Variants in VAV1 observed in about 807,000 individuals in gnomAD.
VAV1 encodes the protein proto-oncogene vav.
In VAV1, 33 loss-of-function variants were observed where a neutral mutation model predicts 128.1. The observed-to-expected ratio is 0.26, with a 90% CI of 0.20 to 0.34. The LOEUF is 0.34. VAV1 is among the 10% of genes least tolerant of loss of function. The probability of loss-of-function intolerance (pLI) is 1.00; values close to 1 mark genes in which losing one functional copy is unlikely to be tolerated. For missense variants in VAV1, 715 were observed against 1,093.7 expected (o/e 0.65, Z 4.88); for synonymous variants, 394 against 409.8 (o/e 0.96, Z 0.47).
At chr19:6,790,469 A>G (rs1568286252) in intron 1 of VAV1, among the ~76,000 whole-genome samples, 1 of 152,188 alleles carries the variant, frequency 6.6e-6, no homozygotes, top group African/African-American at 2.4e-5. Flanking sequence ...AGGTGTCTGC[A>G]GAGCTGTGCT....
intron 25 of VAV1, among the ~76,000 whole-genome samples, chr19:6,853,522 A>G: frequency 6.6e-6 from 1 of 151,858 alleles, no homozygotes; most frequent in African/African-American, 2.4e-5. Flanking sequence ...TTAGGAGTTC[A>G]AGACCAGCCT....
At chr19:6,798,564 G>T (rs1461533988) in intron 1 of VAV1, among the ~76,000 whole-genome samples, 2 of 152,150 alleles carry the variant, frequency 1.3e-5, no homozygotes, top group South Asian at 4.1e-4. Context: ...GAGATGGGAG[G>T]ATCATTTGAA....
chr19:6,851,285 G>A lies in VAV1; in HGVS notation c.2217+528G>A, dbSNP rs150305653. Among the ~76,000 whole-genome samples, 201 of 151,900 alleles carry A rather than the reference G, an allele frequency of 1.3e-3. 3 individuals carry two copies. Among genetic ancestry groups the A allele is most frequent in the South Asian group, 9.6e-3 (46 of 4,802 alleles). ...AAATTCCTGGTTTAAATAATCTCTCGCCTCAGCCTCCCGAGCAGCTGGTAC... is the reference window on the plus strand; with the variant it reads ...AAATTCCTGGTTTAAATAATCTCTCACCTCAGCCTCCCGAGCAGCTGGTAC... On this transcript the variant is annotated intron_variant, in intron 24 of 26. Transcript: ENST00000602142.
At chr19:6,825,245 T>C in intron 7 of VAV1, 58 bp from the exon 8 acceptor site, 1 of 1,585,374 alleles carries the variant, frequency 6.3e-7, no homozygotes, top group South Asian at 1.1e-5. Flanking sequence ...GACCCTTTCC[T>C]TCCTGGCCCC....
At chr19:6,787,668 C>T (rs1298899917) in intron 1 of VAV1, among the ~76,000 whole-genome samples, 1 of 151,940 alleles carries the variant, frequency 6.6e-6, no homozygotes. Flanking sequence ...ATAGTCATAG[C>T]TCCCTGCAGC....
chr19:6,836,715 A>G, intron 20 of VAV1, 147 bp downstream of exon 20: 1 of 1,342,440 alleles, frequency 7.4e-7, no homozygotes, highest in Non-Finnish European at 1.0e-6. Context: ...ACTTCTGGGC[A>G]TGGCTTTTCT....
At chr19:6,778,459 G>A (rs947457677) in intron 1 of VAV1, among the ~76,000 whole-genome samples, 4 of 152,130 alleles carry the variant, frequency 2.6e-5, no homozygotes, top group African/African-American at 9.7e-5. Flanking sequence ...GGTGGACTGG[G>A]GAGTGGGTTG....
At position 6,822,951 on chromosome 19, in the gene VAV1, T is replaced by C; in HGVS notation, c.654+437T>C. Among the ~76,000 whole-genome samples the C allele has an allele frequency of 6.8e-6, 1 of 147,430 alleles. No individual in the cohort carries two copies. Among genetic ancestry groups the C allele is most frequent in the South Asian group, 2.1e-4 (1 of 4,772 alleles). ...ATATAGTTTTTCATATAGAGCTATA[T>C]GTAAATAATATATACAATATATAAA... On this transcript the variant is annotated intron_variant, in intron 6 of 26. Coordinates refer to ENST00000602142, the MANE Select transcript of VAV1 (RefSeq NM_005428.4). The surrounding 1 kb of genome is among the most constrained non-coding windows in gnomAD (Gnocchi z 5.9).
At chr19:6,841,739 G>A (rs1972382830) in intron 21 of VAV1, among the ~76,000 whole-genome samples, 2 of 151,830 alleles carry the variant, frequency 1.3e-5, no homozygotes, top group Non-Finnish European at 2.9e-5. Flanking sequence ...CTCCCAAAGT[G>A]CTGGGATTAC....
intron 1 of VAV1, among the ~76,000 whole-genome samples, chr19:6,809,077 C>CTTTTTT (rs34550612): frequency 1.4e-5 from 2 of 145,740 alleles, no homozygotes; most frequent in African/African-American, 5.2e-5. Context: ...ATCTACCTCT[C>CTTTTTT]TTTTTTTTTT....
chr19:6,808,037 G>A (rs866316590), intron 1 of VAV1, among the ~76,000 whole-genome samples: 6 of 150,678 alleles, frequency 4.0e-5, no homozygotes, highest in South Asian at 2.1e-4. Context: ...AAAAGGCCGG[G>A]CGCGGTGGCT....
At chr19:6,810,262 G>C (rs111504107) in intron 1 of VAV1, among the ~76,000 whole-genome samples, 10 of 151,126 alleles carry the variant, frequency 6.6e-5, no homozygotes, top group African/African-American at 2.4e-4. Context: ...GATTGCTTGA[G>C]CCCAATTTCA....
intron 26 of VAV1, among the ~76,000 whole-genome samples, chr19:6,856,711 G>C (rs1972812221): frequency 6.9e-6 from 1 of 145,742 alleles, no homozygotes; most frequent in Non-Finnish European, 1.5e-5. Context: ...GGGGCAGAGT[G>C]AGACTCTGTC....
chr19:6,820,286 A>G lies in VAV1; in HGVS notation c.205-416A>G, dbSNP rs1971751919. 6.6e-6 allele frequency among the ~76,000 whole-genome samples: 1 copy of G among 152,158 alleles called. No homozygotes were observed. The highest frequency in any genetic ancestry group is 2.4e-5 in the African/African-American group (1 of 41,412). ...GGTCTTGCTTTGTTGCCCAGGCTGG[A>G]GTGCAGTGGTGCCATCATAGCTCAC... On this transcript the variant is annotated intron_variant, in intron 1 of 26. Transcript: ENST00000602142. The surrounding 1 kb of genome is among the most constrained non-coding windows in gnomAD (Gnocchi z 4.4).
At chr19:6,827,943 G>T (rs772292946) in intron 9 of VAV1, 133 bp from the exon 10 acceptor site, 8 of 695,416 alleles carry the variant, frequency 1.2e-5, no homozygotes, top group Admixed American at 9.9e-5. Flanking sequence ...TGATGCTTTG[G>T]CCTCTAGAAA....
At position 6,822,895 on chromosome 19, in the gene VAV1, CATGAT is replaced by C. The variant is rs1363365957; in HGVS notation, c.654+384_654+388del. ...ACATATAATATGTATAAAATATAAA[CATGAT>C]ATATGATATTTATAAGATATAAAAT... On this transcript the variant is annotated intron_variant, in intron 6 of 26. Transcript: ENST00000602142. This position sits in a 1 kb window ranked among gnomAD's most constrained non-coding sequence, Gnocchi z 5.9. Among the ~76,000 whole-genome samples, 1 of 144,764 alleles carries C rather than the reference CATGAT, an allele frequency of 6.9e-6. No homozygotes were observed. The highest frequency in any genetic ancestry group is 2.0e-4 in the East Asian group (1 of 5,058). The allele number at this position is 144,764 out of a possible 152,430, so 95.0% of individuals were successfully genotyped here. A position where few individuals can be genotyped will look rare whatever the true frequency, so the allele number is the denominator to read the frequency against.
intron 1 of VAV1, among the ~76,000 whole-genome samples, chr19:6,813,757 A>C (rs1457291602): frequency 6.6e-6 from 1 of 152,126 alleles, no homozygotes; most frequent in African/African-American, 2.4e-5. Flanking sequence ...GAAGATTTTA[A>C]AACTTGAGTC....
chr19:6,841,478 CT>C (rs35484934), intron 21 of VAV1, among the ~76,000 whole-genome samples: 55 of 135,604 alleles, frequency 4.1e-4, no homozygotes, highest in Admixed American at 5.3e-4. Flanking sequence ...TTTTTCTTTT[CT>C]TTTTTTTTTT....
chr19:6,786,733 C>T (rs776369319), intron 1 of VAV1, among the ~76,000 whole-genome samples: 10 of 151,976 alleles, frequency 6.6e-5, no homozygotes, highest in Non-Finnish European at 1.5e-4. Context: ...CAGTGAACCA[C>T]GATTGCACCA....
Sources: gnomAD v4.1 joint callset for allele counts (sites outside exome capture counted in the v4.1 genomes callset) on GRCh38, gnomAD v4.1.1 for gene constraint, Gnocchi (gnomAD v3.1) non-coding constraint, MANE v1.5 for transcripts, NCBI Gene and HGNC (gene_info 2026-07-23, HGNC 2026-07-21) for gene names.